PRKCSH: variants seen among roughly 807,000 people sequenced by gnomAD.
PRKCSH encodes glucosidase 2 subunit beta.
A neutral mutation model predicts 79.7 loss-of-function variants in PRKCSH; 42 were observed. The ratio of observed to expected loss-of-function variants is 0.53; its 90% confidence interval spans 0.41 to 0.68. The LOEUF (loss-of-function observed/expected upper bound fraction) is 0.68, where lower values mean the gene tolerates loss of function less well. Among genes scored for constraint, PRKCSH ranks in the 30% least tolerant of loss-of-function variants. The pLI, the probability that PRKCSH is intolerant of heterozygous loss-of-function variation, is 0.00. For missense variants in PRKCSH, 686 were observed against 709.0 expected, an observed-to-expected ratio of 0.97 and a Z score of 0.37; for synonymous variants, 325 against 288.2, an observed-to-expected ratio of 1.13 and a Z score of -1.29.
At position 11,447,416 on chromosome 19, in the gene PRKCSH, C is replaced by T. The variant is rs747186853; in HGVS notation, c.850-23C>T. 3.4e-5 allele frequency: 54 copies of T among 1,611,578 alleles called. No homozygotes were observed. The highest frequency in any genetic ancestry group is 5.0e-5 in the Admixed American group (3 of 59,962). ...TGGGTGGACCCTGAGTCCACAACAC[C>T]GACCGCACTGCTCACCCGCCAGGCA... On this transcript the variant is annotated intron_variant, in intron 10 of 17. Coordinates refer to ENST00000677123, the MANE Select transcript of PRKCSH (RefSeq NM_001289104.2). This position sits in a 1 kb window ranked among gnomAD's most constrained non-coding sequence, Gnocchi z 5.6.
At chr19:11,438,246 G>C in intron 5 of PRKCSH, 122 bp downstream of exon 5, 1 of 1,116,594 alleles carries the variant, frequency 9.0e-7, no homozygotes. Context: ...TGTGCCAGGT[G>C]CCTTGTGAAT....
chr19:11,446,355 C>A lies in PRKCSH; in HGVS notation c.762+5C>A, dbSNP rs749097147. ...TTGTCAGAAGCGGAAGCTCAGGTAC[C>A]CCCGGCTGCCCCTTGGTTGGGGACT... On this transcript the variant is annotated splice_donor_5th_base_variant and intron_variant, in intron 9 of 17. Coordinates refer to ENST00000677123, the MANE Select transcript of PRKCSH (RefSeq NM_001289104.2). The A allele has an allele frequency of 6.2e-7, 1 of 1,611,854 alleles. No homozygotes were observed. The highest frequency in any genetic ancestry group is 2.2e-5 in the East Asian group (1 of 44,760).
At position 11,444,380 on chromosome 19, in the gene PRKCSH, C is replaced by T. The variant is rs139648378; in HGVS notation, c.599-1009C>T. 1.6e-3 allele frequency among the ~76,000 whole-genome samples: 247 copies of T among 152,218 alleles called. 1 individual carries two copies. Among genetic ancestry groups the T allele is most frequent in the African/African-American group, 5.6e-3 (232 of 41,524 alleles). ...GAGGGTAGATGGCCTGGATTGGGCC[C>T]CAGGCTACACCTCTCACTGGCTAGG... is the stretch of plus-strand genomic sequence containing the variant. On this transcript the variant is annotated intron_variant, in intron 7 of 17. Transcript: ENST00000677123.
At position 11,447,911 on chromosome 19, in the gene PRKCSH, A is replaced by G. The variant is rs1970398113; in HGVS notation, c.1126+122A>G. 1 of 1,212,244 alleles carries G rather than the reference A, an allele frequency of 8.2e-7. No individual in the cohort carries two copies. The highest frequency in any genetic ancestry group is 1.1e-6 in the Non-Finnish European group (1 of 883,038). The allele number at this position is 1,212,244 out of a possible 1,614,324, so 75.1% of individuals were successfully genotyped here. A position where few individuals can be genotyped will look rare whatever the true frequency, so the allele number is the denominator to read the frequency against. On this transcript the variant is annotated intron_variant, in intron 12 of 17. Coordinates refer to ENST00000677123, the MANE Select transcript of PRKCSH (RefSeq NM_001289104.2). This position sits in a 1 kb window ranked among gnomAD's most constrained non-coding sequence, Gnocchi z 5.6. The stretch of plus-strand genomic sequence containing the variant: ...TGACTCGGCCAGCACAAGCCCCAGT[A>G]TCTTGGGGAGTCCAGGAAGGGGGCC...
chr19:11,446,625 C>T (rs1386619895), intron 9 of PRKCSH, among the ~76,000 whole-genome samples: 1 of 149,866 alleles, frequency 6.7e-6, no homozygotes, highest in Non-Finnish European at 1.5e-5. Context: ...TGCCCTATTC[C>T]CCTCCTCCCC....
intron 6 of PRKCSH, among the ~76,000 whole-genome samples, 173 bp downstream of exon 6, chr19:11,441,530 TA>T (rs924398091): frequency 1.8e-4 from 27 of 152,082 alleles, no homozygotes; most frequent in African/African-American, 5.6e-4. Flanking sequence ...TGGCTAAGTA[TA>T]ATAGTTCCCG....
chr19:11,440,991 T>C (rs745518511), intron 5 of PRKCSH: 15 of 467,070 alleles, frequency 3.2e-5, no homozygotes, highest in Middle Eastern at 6.3e-4. Flanking sequence ...AGAGTTGATA[T>C]CTAGCTCCAC....
intron 3 of PRKCSH, 109 bp from the exon 4 acceptor site, chr19:11,437,767 C>A: frequency 1.0e-6 from 1 of 990,978 alleles, no homozygotes; most frequent in Non-Finnish European, 1.6e-6. Context: ...GTTTCCTTTC[C>A]TTTCTTGTGC....
At chr19:11,445,868 G>A in intron 8 of PRKCSH, 1 of 449,258 alleles carries the variant, frequency 2.2e-6, no homozygotes, top group South Asian at 2.2e-5. Flanking sequence ...GAGGCACACG[G>A]GGAGCCTAGG....
At position 11,448,621 on chromosome 19, in the gene PRKCSH, C is replaced by T. The variant is rs1389515146; in HGVS notation, c.1278C>T (p.Thr426=). The T allele has an allele frequency of 1.9e-6, 3 of 1,614,034 alleles. No homozygotes were observed. The highest frequency in any genetic ancestry group is 2.5e-6 in the Non-Finnish European group (3 of 1,179,890). ...AYLYSQCYEL[T]TNEYVYRLCP... ...TGTACAGCCAGTGCTACGAGCTCACCACCAACGAGTGCGTCCCAGGAATGC... is the reference window on the plus strand; with the variant it reads ...TGTACAGCCAGTGCTACGAGCTCACTACCAACGAGTGCGTCCCAGGAATGC... The change falls in exon 14 of 18, where the codon ACC becomes ACT. Residue 426 remains threonine (T), a synonymous_variant. Coordinates refer to ENST00000677123, the MANE Select transcript of PRKCSH (RefSeq NM_001289104.2). This position sits in a 1 kb window ranked among gnomAD's most constrained non-coding sequence, Gnocchi z 4.4.
intron 7 of PRKCSH, 47 bp downstream of exon 7, chr19:11,442,562 C>G: frequency 1.3e-6 from 2 of 1,597,884 alleles, no homozygotes; most frequent in Non-Finnish European, 1.7e-6. Flanking sequence ...TGGGTGGGAG[C>G]AGGTCTGGGC....
rs1970584305 is a variant in PRKCSH at position 11,450,852 on chromosome 19, C to G, written c.*223C>G. 1 of 152,426 alleles carries G rather than the reference C, an allele frequency of 6.6e-6. No homozygotes were observed. The highest frequency in any genetic ancestry group is 2.4e-5 in the African/African-American group (1 of 41,470). The allele number at this position is 152,426 out of a possible 1,614,324, so 9.4% of individuals were successfully genotyped here. On this transcript the variant is annotated 3_prime_UTR_variant, in exon 18 of 18. Transcript: ENST00000677123. ...AAGGAGCTTGCCCTCCCTGGGCCCC[C>G]CACCTTGGTGACTCGCCCCACCACC... is the stretch of plus-strand genomic sequence containing the variant.
intron 8 of PRKCSH, 151 bp downstream of exon 8, chr19:11,445,624 T>C (rs1970260772): frequency 2.6e-6 from 2 of 770,082 alleles, no homozygotes; most frequent in Non-Finnish European, 4.4e-6. Flanking sequence ...CCCCGCCTCT[T>C]ACTCGTGGAT....
intron 3 of PRKCSH, chr19:11,436,741 TC>T: frequency 1.9e-6 from 1 of 514,512 alleles, no homozygotes; most frequent in South Asian, 2.0e-5. Flanking sequence ...TTCAGTTGAA[TC>T]CCGAAGGTGC....
intron 7 of PRKCSH, among the ~76,000 whole-genome samples, chr19:11,443,759 C>G (rs1970172309): frequency 6.6e-6 from 1 of 152,080 alleles, no homozygotes. Flanking sequence ...CCTTTGTCTG[C>G]AACTGAAGAT....
Position 11,447,822 on chromosome 19 carries a change from G to A in PRKCSH, c.1126+33G>A. On this transcript the variant is annotated intron_variant, in intron 12 of 17. Transcript: ENST00000677123. This position sits in a 1 kb window ranked among gnomAD's most constrained non-coding sequence, Gnocchi z 5.6. Reference sequence around the variant, plus strand: ...TGGGCGGGGGCCAGGCTCCTCGGGTGGGCCCAGCGTTTCCTGCCGTGGTGG... The same window carrying A: ...TGGGCGGGGGCCAGGCTCCTCGGGTAGGCCCAGCGTTTCCTGCCGTGGTGG... 1 of 1,530,034 alleles carries A rather than the reference G, an allele frequency of 6.5e-7. No individual in the cohort carries two copies. Among genetic ancestry groups the A allele is most frequent in the South Asian group, 1.2e-5 (1 of 80,816 alleles). The allele number at this position is 1,530,034 out of a possible 1,614,324, so 94.8% of individuals were successfully genotyped here.
rs375207003 is a variant in PRKCSH, at chr19:11,436,378, G to A, written c.80-11G>A. On this transcript the variant is annotated splice_polypyrimidine_tract_variant and intron_variant, in intron 2 of 17. Coordinates refer to ENST00000677123, the MANE Select transcript of PRKCSH (RefSeq NM_001289104.2). ...TTACCTGCCCTGGGCTGAGCTTCCT[G>A]TACCCCGCAGATCATCACTTCTACG... The A allele has an allele frequency of 9.3e-6, 15 of 1,613,450 alleles. No homozygotes were observed. Among genetic ancestry groups the A allele is most frequent in the Non-Finnish European group, 1.1e-5 (13 of 1,179,478 alleles).
rs758481667 is a variant in PRKCSH, at chr19:11,447,778, C to T, written c.1115C>T (p.Ala372Val). The T allele has an allele frequency of 1.9e-6, 3 of 1,579,296 alleles. No individual in the cohort carries two copies. The highest frequency in any genetic ancestry group is 1.7e-6 in the Non-Finnish European group (2 of 1,163,954). ...CCGCCCTACGACGAGCAGACGCAGGCCTTCATCGATGGTGAGGGTGGGCGG... is the reference window on the plus strand; with the variant it reads ...CCGCCCTACGACGAGCAGACGCAGGTCTTCATCGATGGTGAGGGTGGGCGG... The part of the protein sequence containing the change: ...KMPPYDEQTQ[A>V]FIDAAQEARN... The change falls in exon 12 of 18, where the codon GCC becomes GTC. Residue 372 changes from alanine (A) to valine (V), a missense_variant. By Grantham distance (64) the Ala-to-Val change is moderately conservative. Transcript: ENST00000677123. The surrounding 1 kb of genome is among the most constrained non-coding windows in gnomAD (Gnocchi z 5.6).
chr19:11,438,185 A>G, intron 5 of PRKCSH, 61 bp downstream of exon 5: 1 of 1,561,880 alleles, frequency 6.4e-7, no homozygotes, highest in Non-Finnish European at 8.8e-7. Context: ...GGCTCCACCC[A>G]GTGAATCGGG....
Sources: gnomAD v4.1 joint callset for allele counts (sites outside exome capture counted in the v4.1 genomes callset) on GRCh38, gnomAD v4.1.1 for gene constraint, Gnocchi (gnomAD v3.1) non-coding constraint, MANE v1.5 for transcripts, NCBI Gene and HGNC (gene_info 2026-07-23, HGNC 2026-07-21) for gene names.